The following AGBL1 variants were observed in gnomAD, a reference collection of about 807,000 sequenced individuals.
AGBL1 encodes AGBL carboxypeptidase 1, also known as cytosolic carboxypeptidase 4.
Under a neutral mutation model 118.9 loss-of-function variants are expected in AGBL1, and 130 were observed. The observed-to-expected ratio is 1.09, with a 90% confidence interval of 0.95 to 1.26. The LOEUF (loss-of-function observed/expected upper bound fraction) is 1.26, where lower values mean the gene tolerates loss of function less well. Ranked by LOEUF, AGBL1 falls within the 50% of genes most tolerant of loss-of-function variation. AGBL1 has a pLI of 0.00. For synonymous variants in AGBL1, 555 were observed against 478.9 expected (o/e 1.16, Z -2.08); for missense variants, 1,584 against 1,298.1 (o/e 1.22, Z -3.38).
intron 10 of AGBL1, among the ~76,000 whole-genome samples, chr15:86,263,394 G>T (rs2079024305): frequency 6.6e-6 from 1 of 152,168 alleles, no homozygotes. Context: ...CACACCCTAT[G>T]ATGTTCATAC....
intron 22 of AGBL1, among the ~76,000 whole-genome samples, chr15:86,721,632 CAT>C (rs923131460): frequency 3.1e-4 from 47 of 152,170 alleles, no homozygotes; most frequent in African/African-American, 1.1e-3. Flanking sequence ...TCCTATTCAA[CAT>C]AGTGTTGGAA....
At chr15:86,968,688 A>G (rs1482976527) in intron 23 of AGBL1, among the ~76,000 whole-genome samples, 2 of 151,900 alleles carry the variant, frequency 1.3e-5, no homozygotes, top group East Asian at 1.9e-4. Flanking sequence ...AATGGATTCA[A>G]TATCTCTGTG....
chr15:86,865,019 T>C (rs1018367515), intron 22 of AGBL1, among the ~76,000 whole-genome samples: 1 of 152,168 alleles, frequency 6.6e-6, no homozygotes, highest in Non-Finnish European at 1.5e-5. Flanking sequence ...GAATATTTGT[T>C]CTCCCTGGAG....
chr15:86,474,963 G>C (rs1368294306), intron 18 of AGBL1, among the ~76,000 whole-genome samples: 1 of 152,220 alleles, frequency 6.6e-6, no homozygotes, highest in South Asian at 2.1e-4. Context: ...CCAGGCAAAA[G>C]GGTCTGGAGT....
intron 18 of AGBL1, among the ~76,000 whole-genome samples, chr15:86,424,953 T>C (rs2081846603): frequency 6.6e-6 from 1 of 152,160 alleles, no homozygotes; most frequent in Non-Finnish European, 1.5e-5. Context: ...GAGTGTAAAT[T>C]AGTTCAACCA....
At chr15:86,543,040 T>C (rs1010635295) in intron 19 of AGBL1, among the ~76,000 whole-genome samples, 31 of 152,222 alleles carry the variant, frequency 2.0e-4, no homozygotes, top group Non-Finnish European at 5.9e-5. Context: ...TATGTTTGGG[T>C]TGAAATCTAC....
At chr15:86,677,182 A>C (rs973245314) in intron 22 of AGBL1, among the ~76,000 whole-genome samples, 3 of 152,174 alleles carry the variant, frequency 2.0e-5, no homozygotes, top group Non-Finnish European at 4.4e-5. Flanking sequence ...TTTACCATAA[A>C]AACAATTAGA....
At chr15:86,996,258 C>T (rs183987482) in intron 24 of AGBL1, among the ~76,000 whole-genome samples, 176 of 152,170 alleles carry the variant, frequency 1.2e-3, no homozygotes, top group South Asian at 2.5e-3. Context: ...GTAACTATCT[C>T]CCAGATCAAG....
intron 22 of AGBL1, among the ~76,000 whole-genome samples, chr15:86,824,145 AT>A (rs1191364225): frequency 6.6e-6 from 1 of 152,060 alleles, no homozygotes; most frequent in African/African-American, 2.4e-5. Flanking sequence ...AATCCTCCCT[AT>A]TTGCACATAA....
intron 1 of AGBL1, among the ~76,000 whole-genome samples, chr15:86,119,283 G>A (rs545115973): frequency 1.2e-3 from 175 of 151,916 alleles, no homozygotes; most frequent in Non-Finnish European, 1.7e-3. Context: ...TGTCTCCTGA[G>A]TGAACTGGAA....
intron 18 of AGBL1, among the ~76,000 whole-genome samples, chr15:86,440,577 C>T (rs968840514): frequency 6.6e-6 from 1 of 151,994 alleles, no homozygotes; most frequent in Non-Finnish European, 1.5e-5. Context: ...GCCACAATCT[C>T]ATTTATTCCT....
chr15:86,284,606 G>C (rs1263630555), intron 16 of AGBL1, among the ~76,000 whole-genome samples: 2 of 152,130 alleles, frequency 1.3e-5, no homozygotes, highest in Admixed American at 6.5e-5. Context: ...CTGAGATCTA[G>C]GCAGTAGACA....
At chr15:86,701,439 C>T (rs960513844) in intron 22 of AGBL1, among the ~76,000 whole-genome samples, 11 of 152,018 alleles carry the variant, frequency 7.2e-5, no homozygotes, top group Admixed American at 2.0e-4. Context: ...TTTACAAAGT[C>T]CCAGCTGAAT....
intron 7 of AGBL1, among the ~76,000 whole-genome samples, chr15:86,249,248 T>A (rs1157945234): frequency 6.6e-6 from 1 of 152,120 alleles, no homozygotes; most frequent in East Asian, 1.9e-4. Context: ...TTAGGCCACC[T>A]CTGGACTCCC....
At chr15:86,644,575 C>T (rs1012770764) in intron 21 of AGBL1, among the ~76,000 whole-genome samples, 2 of 147,862 alleles carry the variant, frequency 1.4e-5, no homozygotes, top group African/African-American at 2.5e-5. Context: ...ATCTTTCATT[C>T]AACATTAGAT....
intron 21 of AGBL1, among the ~76,000 whole-genome samples, chr15:86,578,587 C>G (rs560826807): frequency 6.6e-6 from 1 of 152,036 alleles, no homozygotes; most frequent in African/African-American, 2.4e-5. Flanking sequence ...TGGCTGTATC[C>G]CCATGCATAT....
intron 6 of AGBL1, among the ~76,000 whole-genome samples, chr15:86,236,849 G>GA (rs1161337843): frequency 2.2e-5 from 3 of 134,240 alleles, no homozygotes; most frequent in African/African-American, 7.8e-5. Context: ...ATAGCCCGGG[G>GA]AAAAAACTGA....
At chr15:86,514,302 T>G (rs59281780) in intron 18 of AGBL1, among the ~76,000 whole-genome samples, 1 of 152,150 alleles carries the variant, frequency 6.6e-6, no homozygotes, top group Non-Finnish European at 1.5e-5. Context: ...GTTGTTGTTA[T>G]TCATAATTGA....
chr15:86,560,063 T>C (rs1435159864), intron 21 of AGBL1, among the ~76,000 whole-genome samples: 2 of 152,186 alleles, frequency 1.3e-5, no homozygotes, highest in Admixed American at 6.5e-5. Context: ...CCAAGGGACT[T>C]ATGGATCACC....
Sources: allele counts gnomAD v4.1 joint callset (sites outside exome capture counted in the v4.1 genomes callset), GRCh38; gene constraint gnomAD v4.1.1; transcripts MANE v1.5; gene names NCBI Gene and HGNC (gene_info 2026-07-23, HGNC 2026-07-21).